GRIN2A: variants seen among roughly 807,000 people sequenced by gnomAD.
The protein encoded by GRIN2A is glutamate receptor ionotropic, NMDA 2A.
In GRIN2A, 22 loss-of-function variants were observed where a neutral mutation model predicts 113.4. That is an observed-to-expected ratio of 0.19 (90% CI 0.14 to 0.28). GRIN2A has a LOEUF of 0.28. GRIN2A is among the 10% of genes least tolerant of loss of function. The pLI is 1.00. For missense variants in GRIN2A, 1,502 were observed against 1,887.0 expected (o/e 0.80, Z 3.78); for synonymous variants, 827 against 738.4 (o/e 1.12, Z -1.94).
At chr16:9,979,851 G>GTA (rs1225448253) in intron 2 of GRIN2A, among the ~76,000 whole-genome samples, 42 of 140,886 alleles carry the variant, frequency 3.0e-4, no homozygotes, top group African/African-American at 1.0e-3. Context: ...TATTCTGTGT[G>GTA]TGTGTGTGTG....
At chr16:9,819,269 C>A (rs964210116) in intron 10 of GRIN2A, among the ~76,000 whole-genome samples, 4 of 152,038 alleles carry the variant, frequency 2.6e-5, no homozygotes, top group African/African-American at 7.2e-5. Flanking sequence ...CCTGTAATCC[C>A]AGCACTTTGA....
chr16:9,970,236 A>G (rs549478910), intron 2 of GRIN2A, among the ~76,000 whole-genome samples: 1 of 152,272 alleles, frequency 6.6e-6, no homozygotes, highest in South Asian at 2.1e-4. Context: ...GCACTATTCC[A>G]GAAAAAAATT....
At chr16:9,953,159 T>C (rs79951389) in intron 2 of GRIN2A, among the ~76,000 whole-genome samples, 2,667 of 152,218 alleles carry the variant, frequency 0.018, 35 homozygotes, top group Non-Finnish European at 0.024. Context: ...ATTGCTGCAA[T>C]ACAGATACAC....
chr16:9,853,845 T>C (rs2042923768), intron 4 of GRIN2A, among the ~76,000 whole-genome samples: 1 of 152,224 alleles, frequency 6.6e-6, no homozygotes, highest in South Asian at 2.1e-4. Flanking sequence ...GTTTCATTTA[T>C]ACTCCCACTC....
intron 2 of GRIN2A, among the ~76,000 whole-genome samples, chr16:10,024,322 A>G (rs1218353137): frequency 6.6e-6 from 1 of 152,178 alleles, no homozygotes; most frequent in Non-Finnish European, 1.5e-5. Flanking sequence ...CTCCTGGGTC[A>G]AGCAATTCTT....
chr16:10,008,716 G>A (rs371367069), intron 2 of GRIN2A, among the ~76,000 whole-genome samples: 13 of 152,272 alleles, frequency 8.5e-5, no homozygotes, highest in African/African-American at 3.1e-4. Context: ...AACAAGCTAG[G>A]TGTCCATCAG....
At chr16:10,139,671 A>C (rs1227074107) in intron 2 of GRIN2A, among the ~76,000 whole-genome samples, 1 of 152,184 alleles carries the variant, frequency 6.6e-6, no homozygotes, top group African/African-American at 2.4e-5. Flanking sequence ...CCTTACCCAA[A>C]CATACTGAAT....
intron 3 of GRIN2A, among the ~76,000 whole-genome samples, chr16:9,920,883 G>C (rs2044346462): frequency 1.3e-5 from 2 of 152,122 alleles, no homozygotes; most frequent in Admixed American, 1.3e-4. Context: ...TTAAATCTTG[G>C]TTTCCTTCTT....
intron 11 of GRIN2A, among the ~76,000 whole-genome samples, chr16:9,779,713 A>T (rs1901828645): frequency 1.3e-5 from 2 of 151,812 alleles, no homozygotes; most frequent in African/African-American, 4.8e-5. Context: ...CTGGGTTATG[A>T]CTTAGGAGAG....
chr16:9,829,074 C>A (rs181700860), intron 9 of GRIN2A, among the ~76,000 whole-genome samples: 195 of 152,250 alleles, frequency 1.3e-3, no homozygotes, highest in Middle Eastern at 3.4e-3. Context: ...GGAAAATGGG[C>A]CTTCCTTAAC....
intron 2 of GRIN2A, among the ~76,000 whole-genome samples, chr16:10,038,602 G>A (rs1291459822): frequency 6.6e-6 from 1 of 152,006 alleles, no homozygotes; most frequent in Non-Finnish European, 1.5e-5. Flanking sequence ...CCAGCACTTT[G>A]GGAGGCCGAG....
At chr16:10,163,747 G>C (rs1196037906) in intron 2 of GRIN2A, among the ~76,000 whole-genome samples, 1 of 152,164 alleles carries the variant, frequency 6.6e-6, no homozygotes, top group African/African-American at 2.4e-5. Flanking sequence ...TGCTGTAGTG[G>C]TTAAATATTT....
At chr16:10,176,416 A>C (rs1164740473) in intron 2 of GRIN2A, among the ~76,000 whole-genome samples, 1 of 152,178 alleles carries the variant, frequency 6.6e-6, no homozygotes, top group Non-Finnish European at 1.5e-5. Flanking sequence ...CCACATTTGC[A>C]TGACATTTCA....
chr16:10,152,480 A>G (rs12446356), intron 2 of GRIN2A, among the ~76,000 whole-genome samples: 3 of 152,178 alleles, frequency 2.0e-5, no homozygotes, highest in Admixed American at 1.3e-4. Context: ...CCACTATTGA[A>G]ATTCTATACA....
intron 11 of GRIN2A, among the ~76,000 whole-genome samples, chr16:9,792,974 C>G (rs7196962): frequency 0.37 from 56,688 of 151,946 alleles, 11,418 homozygotes; most frequent in African/African-American, 0.54. Flanking sequence ...CATCACCTGG[C>G]AGCTTGTTAG....
intron 3 of GRIN2A, among the ~76,000 whole-genome samples, chr16:9,910,592 C>T (rs1288455297): frequency 7.2e-6 from 1 of 138,234 alleles, no homozygotes; most frequent in Non-Finnish European, 1.5e-5. Flanking sequence ...GGCTGGAGTG[C>T]AGTGGTGCGA....
At chr16:9,950,107 C>T (rs1275604574) in intron 2 of GRIN2A, among the ~76,000 whole-genome samples, 1 of 152,126 alleles carries the variant, frequency 6.6e-6, no homozygotes, top group African/African-American at 2.4e-5. Context: ...AGGAACCAAA[C>T]AGATTCAGGC....
intron 2 of GRIN2A, among the ~76,000 whole-genome samples, chr16:10,054,871 C>G (rs931604363): frequency 2.6e-5 from 4 of 151,074 alleles, no homozygotes; most frequent in Non-Finnish European, 4.4e-5. Flanking sequence ...TATGGTAAAA[C>G]CCCATCTCTA....
At chr16:9,937,645 G>A (rs2044742501) in intron 3 of GRIN2A, 2 of 383,432 alleles carry the variant, frequency 5.2e-6, no homozygotes. Flanking sequence ...ATCTTTATGA[G>A]TTACAAAAAA....
Sources: allele counts gnomAD v4.1 joint callset (sites outside exome capture counted in the v4.1 genomes callset), GRCh38; gene constraint gnomAD v4.1.1; transcripts MANE v1.5; gene names NCBI Gene and HGNC (gene_info 2026-07-23, HGNC 2026-07-21).